Variants in KLRG1 observed in about 807,000 individuals in gnomAD.
KLRG1 encodes the protein killer cell lectin like receptor G1, also known as killer cell lectin-like receptor subfamily G member 1.
Under a neutral mutation model 21.8 loss-of-function variants are expected in KLRG1, and 16 were observed. The ratio of observed to expected loss-of-function variants is 0.73; its 90% CI spans 0.50 to 1.11. The LOEUF (loss-of-function observed/expected upper bound fraction) is 1.11. Among genes scored for constraint, KLRG1 ranks in the 50% most tolerant of loss-of-function variants. The pLI, the probability that KLRG1 is intolerant of heterozygous loss-of-function variation, is 0.00. For missense variants in KLRG1, 173 were observed against 218.3 expected (o/e 0.79, Z 1.31); for synonymous variants, 69 against 75.9 (o/e 0.91, Z 0.47).
the KLRG1 span, chr12:9,076,895 G>A: frequency 6.2e-7 from 1 of 1,610,076 alleles, no homozygotes; most frequent in East Asian, 2.2e-5. Flanking sequence ...CTGTCTTCCA[G>A]GCTGACTCCA....
At chr12:9,196,254 G>A in the KLRG1 span, 1 of 968,128 alleles carries the variant, frequency 1.0e-6, no homozygotes, top group Non-Finnish European at 1.6e-6. Context: ...CTAACCAAGT[G>A]TGGGCTGCAT....
chr12:9,174,728 A>G, the KLRG1 span, among the ~76,000 whole-genome samples: 5 of 152,306 alleles, frequency 3.3e-5, no homozygotes, highest in Admixed American at 2.6e-4. Flanking sequence ...CAGAAAGAAT[A>G]AAATACCTAG....
At chr12:8,998,744 T>A (rs937644689) in intron 3 of KLRG1, among the ~76,000 whole-genome samples, 3 of 151,976 alleles carry the variant, frequency 2.0e-5, no homozygotes, top group Admixed American at 1.3e-4. Context: ...TATAGAAATA[T>A]CGTATTTGAC....
the KLRG1 span, chr12:9,065,375 C>G: frequency 6.6e-6 from 1 of 152,632 alleles, no homozygotes; most frequent in Non-Finnish European, 1.5e-5. Flanking sequence ...CTGCAGGCTC[C>G]AGGGTGCCTA....
the KLRG1 span, among the ~76,000 whole-genome samples, chr12:9,170,559 A>G: frequency 6.6e-6 from 1 of 152,144 alleles, no homozygotes; most frequent in East Asian, 1.9e-4. This position sits in a 1 kb window ranked among gnomAD's most constrained non-coding sequence, Gnocchi z 4.6. Context: ...CAGCCAGCCG[A>G]CGGCAGTGGG....
the KLRG1 span, among the ~76,000 whole-genome samples, chr12:9,062,825 C>A: frequency 6.7e-6 from 1 of 149,332 alleles, no homozygotes; most frequent in East Asian, 1.9e-4. Context: ...ATTTTTTATA[C>A]AATATATAAA....
At chr12:8,994,807 C>G in intron 2 of KLRG1, among the ~76,000 whole-genome samples, 1 of 152,216 alleles carries the variant, frequency 6.6e-6, no homozygotes, top group Non-Finnish European at 1.5e-5. Flanking sequence ...ACAGAGATCT[C>G]TAGCACAAGT....
chr12:9,090,602 T>C, the KLRG1 span: 3 of 1,014,156 alleles, frequency 3.0e-6, no homozygotes, highest in East Asian at 2.6e-5. Flanking sequence ...AAAGATGATA[T>C]AAATGAAGAT....
At chr12:9,095,705 A>G in the KLRG1 span, 2 of 1,554,360 alleles carry the variant, frequency 1.3e-6, no homozygotes, top group Non-Finnish European at 1.7e-6. Flanking sequence ...GTAAACCTGT[A>G]CAAATACGAA....
the KLRG1 span, chr12:9,098,649 G>A: frequency 7.0e-5 from 112 of 1,609,598 alleles, no homozygotes; most frequent in Middle Eastern, 3.3e-4. Flanking sequence ...TGAGCAGCAC[G>A]CTTTGGTCCA....
At chr12:8,980,091 G>C (rs2137284909) in intron 1 of KLRG1, among the ~76,000 whole-genome samples, 1 of 152,046 alleles carries the variant, frequency 6.6e-6, no homozygotes, top group Admixed American at 6.5e-5. Flanking sequence ...AGTAGAGACA[G>C]GGTTTCACCA....
the KLRG1 span, among the ~76,000 whole-genome samples, chr12:9,209,828 A>C: frequency 6.6e-6 from 1 of 152,132 alleles, no homozygotes; most frequent in Non-Finnish European, 1.5e-5. Flanking sequence ...TGGTATGCAC[A>C]TATTGTAAAA....
the KLRG1 span, among the ~76,000 whole-genome samples, chr12:9,069,362 G>A: frequency 1.2e-4 from 18 of 152,256 alleles, no homozygotes; most frequent in Non-Finnish European, 2.4e-4. Context: ...AAGTCCTTGT[G>A]GAGACTGACA....
chr12:9,178,116 G>A, the KLRG1 span, among the ~76,000 whole-genome samples: 1 of 152,112 alleles, frequency 6.6e-6, no homozygotes, highest in Non-Finnish European at 1.5e-5. Flanking sequence ...TTTGATTATA[G>A]CAATCCCCCA....
chr12:9,122,021 T>A, the KLRG1 span, among the ~76,000 whole-genome samples: 8 of 152,352 alleles, frequency 5.3e-5, no homozygotes, highest in Non-Finnish European at 8.8e-5. Flanking sequence ...TCATTGTCAC[T>A]TGTAGGAACC....
chr12:9,049,842 A>C, the KLRG1 span, among the ~76,000 whole-genome samples: 1 of 152,166 alleles, frequency 6.6e-6, no homozygotes, highest in Non-Finnish European at 1.5e-5. Flanking sequence ...TTTGAAAATA[A>C]TACTGCTCGG....
the KLRG1 span, among the ~76,000 whole-genome samples, chr12:9,214,753 A>T: frequency 3.0e-4 from 45 of 151,948 alleles, no homozygotes; most frequent in Admixed American, 8.5e-4. Context: ...CTTTACAGTT[A>T]TGTTACCTTT....
At chr12:9,171,660 G>T in the KLRG1 span, among the ~76,000 whole-genome samples, 1 of 152,172 alleles carries the variant, frequency 6.6e-6, no homozygotes, top group South Asian at 2.1e-4. Flanking sequence ...ACCTGATGGA[G>T]CTGAAAACCG....
At chr12:9,014,764 C>G (rs116091318), downstream of KLRG1, among the ~76,000 whole-genome samples, 3,114 of 151,086 alleles carry the variant, frequency 0.021, 104 homozygotes, top group African/African-American at 0.071. Context: ...AGTAGAAAGA[C>G]TAAAAGATTA....
Sources: allele counts gnomAD v4.1 joint callset (sites outside exome capture counted in the v4.1 genomes callset), GRCh38; gene constraint gnomAD v4.1.1; non-coding constraint Gnocchi (gnomAD v3.1); transcripts MANE v1.5; gene names NCBI Gene and HGNC (gene_info 2026-07-23, HGNC 2026-07-21).